The following STMN4 variants were observed in gnomAD, a reference collection of about 807,000 sequenced individuals.
The protein encoded by STMN4 is stathmin-4.
In STMN4, 12 loss-of-function variants were observed where a neutral mutation model predicts 29.1. The observed-to-expected ratio is 0.41, with a 90% CI of 0.26 to 0.67. The LOEUF (loss-of-function observed/expected upper bound fraction) is 0.67. Among genes scored for constraint, STMN4 ranks in the 30% least tolerant of loss-of-function variants. The pLI, the probability that STMN4 is intolerant of heterozygous loss-of-function variation, is 0.30. For synonymous variants in STMN4, 114 were observed against 105.3 expected, an observed-to-expected ratio of 1.08 and a Z score of -0.51; for missense variants, 181 against 262.8, an observed-to-expected ratio of 0.69 and a Z score of 2.15.
At chr8:27,247,508 G>A (rs1303454214) in intron 1 of STMN4, among the ~76,000 whole-genome samples, 1 of 152,230 alleles carries the variant, frequency 6.6e-6, no homozygotes, top group African/African-American at 2.4e-5. Flanking sequence ...ATAACCTGTG[G>A]CATCTGCGCC....
chr8:27,236,984 C>A, intron 6 of STMN4, 79 bp from the exon 7 acceptor site: 1 of 1,491,978 alleles, frequency 6.7e-7, no homozygotes, highest in South Asian at 1.3e-5. Flanking sequence ...GGCAAGAGAA[C>A]CAAAAGCAAA....
rs577842616 is a variant in STMN4 at position 27,238,698 on chromosome 8, T to A, written c.591+1273A>T. ...TTGGAGCCAAAGATCTGGGTGCTAG[T>A]CCTAGCTCCACTGCTTATTAGTTTC... On this transcript the variant is annotated intron_variant, in intron 6 of 6. Transcript: ENST00000350889. Among the ~76,000 whole-genome samples the A allele has an allele frequency of 7.2e-5, 11 of 152,372 alleles. No homozygotes were observed. The South Asian group carries it at 8.3e-4, about 11-fold the overall frequency.
At chr8:27,251,488 T>C (rs73563928) in intron 1 of STMN4, among the ~76,000 whole-genome samples, 1,561 of 152,066 alleles carry the variant, frequency 0.01, 16 homozygotes, top group Middle Eastern at 0.051. Context: ...GCCATCAATA[T>C]ACAGGGCAAG....
intron 1 of STMN4, among the ~76,000 whole-genome samples, chr8:27,245,544 G>A (rs140476075): frequency 7.9e-5 from 12 of 152,348 alleles, no homozygotes; most frequent in African/African-American, 9.6e-5. Flanking sequence ...TGGTCCTGAC[G>A]GCACCAGTGA....
chr8:27,241,959 C>T (rs568954617), intron 3 of STMN4, among the ~76,000 whole-genome samples: 1 of 152,334 alleles, frequency 6.6e-6, no homozygotes, highest in East Asian at 1.9e-4. Flanking sequence ...GCATGGCTGC[C>T]ACAGAACCTC....
chr8:27,255,664 T>C (rs1367326040), intron 1 of STMN4, among the ~76,000 whole-genome samples: 2 of 152,226 alleles, frequency 1.3e-5, no homozygotes, highest in Non-Finnish European at 2.9e-5. Flanking sequence ...TACCCTATTC[T>C]CTGAACCTCA....
intron 1 of STMN4, among the ~76,000 whole-genome samples, chr8:27,256,730 A>G (rs897794486): frequency 3.3e-5 from 5 of 152,226 alleles, no homozygotes; most frequent in African/African-American, 1.2e-4. Context: ...AATACCATTT[A>G]CAATCCATAA....
rs1163104338 is a variant in STMN4 at position 27,236,628 on chromosome 8, C to G, written c.*218G>C. ...CCCTTTCCCAAACTCTCTCCTCTCC[C>G]CTCTCCCACCCCGTCATTGTTCCCC... On this transcript the variant is annotated 3_prime_UTR_variant, in exon 7 of 7. Transcript: ENST00000350889. The G allele has an allele frequency of 2.3e-6, 1 of 434,768 alleles. No homozygotes were observed. The highest frequency in any genetic ancestry group is 4.4e-5 in the Admixed American group (1 of 22,918). The allele number at this position is 434,768 out of a possible 1,614,324, so 26.9% of individuals were successfully genotyped here.
rs762095970 is a variant in STMN4, at chr8:27,240,116, T to C, written c.446A>G (p.His149Arg). ...LLKHLAEKREHEREVIQKAIE... is the reference protein window; with the variant it reads ...LLKHLAEKREREREVIQKAIE... ...GGCCTTTTGGATCACCTCTCTCTCA[T>C]GTTCCCGTTTCTCTGCTAGGTGTTT... Residue 149 changes from histidine to arginine, a missense_variant, in exon 6 of 7, where the codon CAT becomes CGT. By Grantham distance (29) the His-to-Arg change is conservative. Transcript: ENST00000350889. 1 of 1,614,246 alleles carries C rather than the reference T, an allele frequency of 6.2e-7. No individual in the cohort carries two copies. The highest frequency in any genetic ancestry group is 1.1e-5 in the South Asian group (1 of 91,082).
chr8:27,257,459 A>AAC (rs59516183), intron 1 of STMN4, among the ~76,000 whole-genome samples: 7,448 of 137,594 alleles, frequency 0.054, 254 homozygotes, highest in African/African-American at 0.083. Context: ...CCCCCATACA[A>AAC]ACACACACAC....
intron 1 of STMN4, among the ~76,000 whole-genome samples, chr8:27,256,221 A>C (rs972592096): frequency 3.9e-5 from 6 of 152,156 alleles, no homozygotes; most frequent in Admixed American, 6.5e-5. Flanking sequence ...GGAGAATGGG[A>C]AGTTAGTGTC....
chr8:27,252,416 C>G (rs1801816612), intron 1 of STMN4, among the ~76,000 whole-genome samples: 1 of 152,054 alleles, frequency 6.6e-6, no homozygotes, highest in African/African-American at 2.4e-5. Context: ...CTACAATGAA[C>G]TCAAACAAAT....
chr8:27,246,676 G>A (rs1181950625), intron 1 of STMN4, among the ~76,000 whole-genome samples: 1 of 152,318 alleles, frequency 6.6e-6, no homozygotes, highest in Non-Finnish European at 1.5e-5. Context: ...AAAAGGCCAT[G>A]TGCAGACGGA....
At chr8:27,251,127 G>T (rs1481890250) in intron 1 of STMN4, among the ~76,000 whole-genome samples, 2 of 151,954 alleles carry the variant, frequency 1.3e-5, no homozygotes, top group African/African-American at 4.8e-5. Flanking sequence ...CATGCCTGTA[G>T]TCTCAGTCCC....
intron 6 of STMN4, among the ~76,000 whole-genome samples, chr8:27,237,363 G>C (rs1586000833): frequency 1.3e-5 from 2 of 152,214 alleles, no homozygotes; most frequent in East Asian, 3.8e-4. Context: ...CATCTCCTTT[G>C]TGAGAATTGC....
At chr8:27,255,823 A>G (rs73239479) in intron 1 of STMN4, among the ~76,000 whole-genome samples, 9,372 of 152,254 alleles carry the variant, frequency 0.062, 402 homozygotes, top group Non-Finnish European at 0.09. Context: ...AGTGAAATCT[A>G]GCTATTAAGC....
At chr8:27,242,004 C>T (rs1801489109) in intron 3 of STMN4, 1 of 587,212 alleles carries the variant, frequency 1.7e-6, no homozygotes, top group Non-Finnish European at 3.0e-6. Context: ...AGAGCATTCT[C>T]TACCCTTCCC....
At position 27,236,796 on chromosome 8, in the gene STMN4, A is replaced by G. The variant is rs1423244588; in HGVS notation, c.*50T>C. 1 of 1,506,424 alleles carries G rather than the reference A, an allele frequency of 6.6e-7. No homozygotes were observed. The highest frequency in any genetic ancestry group is 8.9e-7 in the Non-Finnish European group (1 of 1,125,082). 93.3% of individuals were successfully genotyped at this position (1,506,424 alleles called of 1,614,324 possible). The stretch of plus-strand genomic sequence containing the variant: ...GCGGGCGAGGCTGCCTGGAACGTGG[A>G]GCTGCTGGAGCTGTCCGGCTGACCT... On this transcript the variant is annotated 3_prime_UTR_variant, in exon 7 of 7. Coordinates refer to ENST00000350889, the MANE Select transcript of STMN4 (RefSeq NM_030795.4).
intron 1 of STMN4, among the ~76,000 whole-genome samples, chr8:27,257,040 G>A (rs1461779343): frequency 4.6e-5 from 7 of 152,168 alleles, no homozygotes; most frequent in Non-Finnish European, 7.4e-5. Flanking sequence ...GTTTCCAAGA[G>A]GGGTGAAAGT....
Sources: allele counts gnomAD v4.1 joint callset (sites outside exome capture counted in the v4.1 genomes callset), GRCh38; gene constraint gnomAD v4.1.1; transcripts MANE v1.5; gene names NCBI Gene and HGNC (gene_info 2026-07-23, HGNC 2026-07-21).